The following TMEM235 variants were observed in gnomAD, a reference collection of about 807,000 sequenced individuals.
TMEM235 encodes the protein transmembrane protein 235.
In TMEM235, 23 loss-of-function variants were observed where a neutral mutation model predicts 22.9. That is an observed-to-expected ratio of 1.00 (90% CI 0.72 to 1.42). The LOEUF is 1.42. Among genes scored for constraint, TMEM235 ranks in the 40% most tolerant of loss-of-function variants. The pLI is 0.00. For synonymous variants in TMEM235, 137 were observed against 140.5 expected (o/e 0.98, Z 0.17); for missense variants, 308 against 299.5 (o/e 1.03, Z -0.21).
At chr17:78,240,723 GT>G (rs2081114281) in exon 6 of TMEM235, 1 of 152,230 alleles carries the variant, frequency 6.6e-6, no homozygotes, top group South Asian at 2.1e-4. Context: ...TGATTCAAAG[GT>G]TAAGGAAGCT....
At chr17:78,240,383 G>T in exon 6 of TMEM235, 1 of 178,316 alleles carries the variant, frequency 5.6e-6, no homozygotes, top group Non-Finnish European at 1.2e-5. Context: ...ACCCCAGGTT[G>T]GGAGGGGCTC....
chr17:78,240,122 C>T, exon 6 of TMEM235: 1 of 1,296,196 alleles, frequency 7.7e-7, no homozygotes, highest in Non-Finnish European at 1.0e-6. Flanking sequence ...GACCCTTCCT[C>T]TCTGCAGCAA....
chr17:78,236,067 G>C (rs908555752), intron 4 of TMEM235, among the ~76,000 whole-genome samples: 2 of 152,320 alleles, frequency 1.3e-5, no homozygotes, highest in Middle Eastern at 3.4e-3. Flanking sequence ...TTCCACATGC[G>C]ATTCGGGCCG....
intron 2 of TMEM235, 138 bp from the exon 2 acceptor site, chr17:78,233,757 C>T (rs2145915975): frequency 3.0e-6 from 2 of 658,364 alleles, no homozygotes; most frequent in African/African-American, 1.8e-5. Flanking sequence ...TTTCATCCCA[C>T]TTGGAGTCCC....
exon 2 of TMEM235, chr17:78,232,004 C>T (rs2076586332): frequency 8.0e-7 from 1 of 1,255,836 alleles, no homozygotes; most frequent in Non-Finnish European, 1.0e-6. Flanking sequence ...CCGACCCGTC[C>T]CCTCCCGCCG....
In TMEM235 at chr17:78,233,915, C is replaced by G. The variant is rs745364676; in HGVS notation, c.211C>G (p.Leu71Val). 109 of 1,535,844 alleles carry G rather than the reference C, an allele frequency of 7.1e-5. No individual in the cohort carries two copies. The highest frequency in any genetic ancestry group is 9.1e-5 in the Non-Finnish European group (104 of 1,146,860). Residue 71 changes from leucine to valine, a missense_variant, in exon 3 of 6, where the codon CTG becomes GTG. This residue lies in a region of TMEM235 where 285 missense variants were observed against 256.2 expected (regional missense o/e 1.11). Transcript: ENST00000421688. ...CCCAGGGCAGAACGGCTGCATCCCG[C>G]TGGTCGACCCTTTTGCCAGTGAGAG...
At chr17:78,232,161 C>A in exon 2 of TMEM235, 1 of 1,488,162 alleles carries the variant, frequency 6.7e-7, no homozygotes, top group Non-Finnish European at 8.9e-7. Flanking sequence ...GCGCCTGGCC[C>A]GGGCGCGCAG....
In TMEM235 at chr17:78,238,765, C is replaced by A. The variant is rs1725117019; in HGVS notation, c.410-259C>A. Among the ~76,000 whole-genome samples the A allele has an allele frequency of 6.6e-6, 1 of 151,804 alleles. No homozygotes were observed. The highest frequency in any genetic ancestry group is 2.1e-4 in the South Asian group (1 of 4,814). On this transcript the variant is annotated intron_variant, in intron 4 of 5. Coordinates refer to ENST00000421688, the Ensembl canonical transcript of TMEM235. This position sits in a 1 kb window ranked among gnomAD's most constrained non-coding sequence, Gnocchi z 4.3. ...CTGAGGTTTGAGGACTGAATTGGAG[C>A]CTCTTAAAGCTCCACTCCGCCAAAT...
At chr17:78,232,074 C>G in exon 2 of TMEM235, 1 of 1,454,186 alleles carries the variant, frequency 6.9e-7, no homozygotes, top group Non-Finnish European at 9.0e-7. Context: ...GTGCACTGCT[C>G]AGCTTCGCGC....
exon 5 of TMEM235, chr17:78,239,218 C>G (rs1277678583): frequency 6.5e-7 from 1 of 1,543,166 alleles, no homozygotes; most frequent in East Asian, 2.4e-5. Flanking sequence ...TGCCTGGACC[C>G]TCAGCCTGAG....
At chr17:78,231,543 T>C (rs1567871437) in exon 2 of TMEM235, 1 of 1,303,900 alleles carries the variant, frequency 7.7e-7, no homozygotes, top group African/African-American at 1.5e-5. Flanking sequence ...CAGGCTCCTA[T>C]GCTTCCAGGA....
chr17:78,234,489 C>A, intron 3 of TMEM235, 104 bp from the exon 3 acceptor site: 1 of 1,485,344 alleles, frequency 6.7e-7, no homozygotes, highest in South Asian at 1.2e-5. Context: ...GGGCGTCAGC[C>A]GCTTTTCCTG....
At chr17:78,234,560 C>T (rs1225799335) in intron 3 of TMEM235, 33 bp from the exon 3 acceptor site, 3 of 1,534,470 alleles carry the variant, frequency 2.0e-6, no homozygotes, top group Non-Finnish European at 2.6e-6. Context: ...CCCACCTGGA[C>T]CAGAATTCTC....
exon 5 of TMEM235, chr17:78,239,044 G>T: frequency 6.5e-7 from 1 of 1,542,298 alleles, no homozygotes. Flanking sequence ...ACTGGCGGGG[G>T]TCAGCATCTA....
intron 3 of TMEM235, 153 bp from the exon 3 acceptor site, chr17:78,234,440 A>G: frequency 8.7e-7 from 1 of 1,150,142 alleles, no homozygotes; most frequent in Non-Finnish European, 1.3e-6. Flanking sequence ...CCAGAGTCAG[A>G]GGGGGCCACT....
rs193130660 is a variant in TMEM235, at chr17:78,234,374, A to C, written c.272-219A>C. On this transcript the variant is annotated intron_variant, in intron 3 of 5. Transcript: ENST00000421688. ...GTTGGGGGACATGTGAGGCCTGGGG[A>C]TGGGGGCTGGGAGTGTTCTGGGGAC... 292 of 749,306 alleles carry C rather than the reference A, an allele frequency of 3.9e-4. No individual in the cohort carries two copies. The African/African-American group carries it at 4.0e-3, about 10-fold the overall frequency. 46.4% of individuals were successfully genotyped at this position (749,306 alleles called of 1,614,324 possible).
chr17:78,231,583 G>A (rs1391005743), exon 2 of TMEM235: 7 of 1,303,704 alleles, frequency 5.4e-6, no homozygotes, highest in African/African-American at 3.0e-5. Flanking sequence ...CTGCCTGGCC[G>A]GCCATCCTCC....
chr17:78,236,098 G>A (rs1031561656), intron 4 of TMEM235, among the ~76,000 whole-genome samples: 25 of 152,228 alleles, frequency 1.6e-4, no homozygotes, highest in African/African-American at 5.5e-4. Flanking sequence ...CCCTAGCACC[G>A]TGATAGGAGC....
exon 6 of TMEM235, chr17:78,239,984 A>G: frequency 6.5e-7 from 1 of 1,545,916 alleles, no homozygotes; most frequent in Non-Finnish European, 8.7e-7. Flanking sequence ...AGCGATCCAG[A>G]TGTACCCCTC....
Sources: allele counts gnomAD v4.1 joint callset (sites outside exome capture counted in the v4.1 genomes callset), GRCh38; gene constraint gnomAD v4.1.1; regional missense constraint gnomAD v4.1.1; non-coding constraint Gnocchi (gnomAD v3.1); transcripts MANE v1.5; gene names NCBI Gene and HGNC (gene_info 2026-07-23, HGNC 2026-07-21).